ATAD2B: variants seen among roughly 807,000 people sequenced by gnomAD.
ATAD2B encodes the protein ATPase family AAA domain containing 2B, also known as ATPase family AAA domain-containing protein 2B.
A neutral mutation model predicts 167.6 loss-of-function variants in ATAD2B; 40 were observed. That is an observed-to-expected ratio of 0.24 (90% CI 0.19 to 0.31). The LOEUF (loss-of-function observed/expected upper bound fraction) is 0.31, where lower values mean the gene tolerates loss of function less well. Among genes scored for constraint, ATAD2B ranks in the 10% least tolerant of loss-of-function variants. The probability of loss-of-function intolerance (pLI) is 1.00; values close to 1 mark genes in which losing one functional copy is unlikely to be tolerated. For synonymous variants in ATAD2B, 579 were observed against 596.5 expected (o/e 0.97, Z 0.43); for missense variants, 1,242 against 1,757.2 (o/e 0.71, Z 5.24).
At chr2:23,819,367 T>C (rs1208439215) in intron 17 of ATAD2B, among the ~76,000 whole-genome samples, 2 of 152,020 alleles carry the variant, frequency 1.3e-5, no homozygotes, top group African/African-American at 2.4e-5. Context: ...AGCGCACACC[T>C]GTAATCCCAA....
chr2:23,680,289 G>T, the ATAD2B span, among the ~76,000 whole-genome samples: 3 of 152,114 alleles, frequency 2.0e-5, no homozygotes, highest in Non-Finnish European at 4.4e-5. This position sits in a 1 kb window ranked among gnomAD's most constrained non-coding sequence, Gnocchi z 4.1. Flanking sequence ...TGCGGATTGC[G>T]GGCAGTGGAC....
At chr2:23,745,463 A>T (rs1047654156), downstream of ATAD2B, among the ~76,000 whole-genome samples, 1 of 150,220 alleles carries the variant, frequency 6.7e-6, no homozygotes, top group Non-Finnish European at 1.5e-5. Flanking sequence ...AAGGAAGGAA[A>T]GGAAGGAAGG....
At chr2:23,705,781 T>C in the ATAD2B span, among the ~76,000 whole-genome samples, 1 of 152,058 alleles carries the variant, frequency 6.6e-6, no homozygotes, top group African/African-American at 2.4e-5. Flanking sequence ...GTGTCAGGGC[T>C]AGAAACAAGG....
chr2:23,876,503 T>G (rs1022224181), intron 7 of ATAD2B, among the ~76,000 whole-genome samples: 1 of 151,960 alleles, frequency 6.6e-6, no homozygotes, highest in Non-Finnish European at 1.5e-5. Flanking sequence ...GGTTTCACCA[T>G]GTGGGCTAGG....
chr2:23,732,842 T>A, the ATAD2B span, among the ~76,000 whole-genome samples: 1 of 152,188 alleles, frequency 6.6e-6, no homozygotes, highest in Non-Finnish European at 1.5e-5. Context: ...CAAGGCAATA[T>A]AGGACAGTGG....
At chr2:23,796,197 C>A (rs879266592) in intron 19 of ATAD2B, among the ~76,000 whole-genome samples, 5 of 152,086 alleles carry the variant, frequency 3.3e-5, no homozygotes, top group Non-Finnish European at 4.4e-5. Context: ...CCCACAAATA[C>A]GATATCCACG....
intron 1 of ATAD2B, among the ~76,000 whole-genome samples, chr2:23,911,078 G>A (rs999921180): frequency 6.6e-6 from 1 of 151,064 alleles, no homozygotes; most frequent in Non-Finnish European, 1.5e-5. Context: ...AATACTAGCT[G>A]GTCGTAGTGG....
At chr2:23,704,231 G>A in the ATAD2B span, among the ~76,000 whole-genome samples, 1 of 152,234 alleles carries the variant, frequency 6.6e-6, no homozygotes, top group South Asian at 2.1e-4. Context: ...GCCCTACAGG[G>A]ACAAGTGACT....
intron 1 of ATAD2B, among the ~76,000 whole-genome samples, chr2:23,919,995 AC>A (rs1703670560): frequency 6.6e-6 from 1 of 152,128 alleles, no homozygotes; most frequent in Non-Finnish European, 1.5e-5. Flanking sequence ...TACTAAAAAT[AC>A]AAAAATTAGC....
intron 13 of ATAD2B, among the ~76,000 whole-genome samples, chr2:23,839,577 T>C (rs1206365354): frequency 6.6e-6 from 1 of 152,120 alleles, no homozygotes; most frequent in Non-Finnish European, 1.5e-5. Context: ...CCTTGTATAT[T>C]TGAAATAAAA....
At chr2:23,849,281 GT>G (rs1299280479) in intron 13 of ATAD2B, among the ~76,000 whole-genome samples, 9 of 152,106 alleles carry the variant, frequency 5.9e-5, no homozygotes, top group Admixed American at 5.9e-4. Flanking sequence ...ACAGCATGAA[GT>G]CTAGAATAGG....
chr2:23,723,998 G>A, the ATAD2B span, among the ~76,000 whole-genome samples: 2 of 152,196 alleles, frequency 1.3e-5, no homozygotes, highest in African/African-American at 2.4e-5. Flanking sequence ...AGGACATTAT[G>A]TTAAGTGAAG....
intron 13 of ATAD2B, among the ~76,000 whole-genome samples, chr2:23,834,360 C>G (rs1315175645): frequency 6.6e-6 from 1 of 151,820 alleles, no homozygotes; most frequent in Admixed American, 6.6e-5. Flanking sequence ...TGGGGTTTCG[C>G]TATATTGGTC....
chr2:23,914,852 A>G (rs578240471), intron 1 of ATAD2B, among the ~76,000 whole-genome samples: 1 of 152,242 alleles, frequency 6.6e-6, no homozygotes, highest in East Asian at 1.9e-4. Context: ...AAAAAAAAAA[A>G]AAAAGAACTC....
At chr2:23,699,085 C>T in the ATAD2B span, among the ~76,000 whole-genome samples, 4 of 152,160 alleles carry the variant, frequency 2.6e-5, no homozygotes, top group East Asian at 1.9e-4. Flanking sequence ...GAATCTGCCC[C>T]GCTGCTGCCC....
chr2:23,745,366 AAAG>A, downstream of ATAD2B, among the ~76,000 whole-genome samples: 1 of 136,076 alleles, frequency 7.3e-6, no homozygotes, highest in African/African-American at 2.8e-5. Context: ...GGAAGGAAGG[AAAG>A]AAGGAAGGAA....
At chr2:23,711,686 C>T in the ATAD2B span, among the ~76,000 whole-genome samples, 3 of 152,152 alleles carry the variant, frequency 2.0e-5, no homozygotes, top group South Asian at 4.2e-4. Context: ...CCCAGAATTT[C>T]AGTCTGAGAT....
intron 26 of ATAD2B, among the ~76,000 whole-genome samples, 166 bp downstream of exon 26, chr2:23,754,481 G>GT (rs1675724134): frequency 6.6e-6 from 1 of 152,052 alleles, no homozygotes; most frequent in Admixed American, 6.6e-5. Flanking sequence ...GACTACTCCC[G>GT]TATCTTTCAA....
At chr2:23,710,942 T>A in the ATAD2B span, among the ~76,000 whole-genome samples, 1 of 152,194 alleles carries the variant, frequency 6.6e-6, no homozygotes, top group Non-Finnish European at 1.5e-5. Context: ...TAACTTGCTC[T>A]CATTTACTGA....
Sources: gnomAD v4.1 joint callset for allele counts (sites outside exome capture counted in the v4.1 genomes callset) on GRCh38, gnomAD v4.1.1 for gene constraint, Gnocchi (gnomAD v3.1) non-coding constraint, MANE v1.5 for transcripts, NCBI Gene and HGNC (gene_info 2026-07-23, HGNC 2026-07-21) for gene names.